The following MAP3K9 variants were observed in gnomAD, a reference collection of about 807,000 sequenced individuals.
MAP3K9 encodes the protein mitogen-activated protein kinase kinase kinase 9, also known as mixed lineage kinase 1 (tyr and ser/thr specificity).
A neutral mutation model predicts 95.8 loss-of-function variants in MAP3K9; 46 were observed. The observed-to-expected ratio is 0.48, with a 90% CI of 0.38 to 0.61. The LOEUF is 0.61. Ranked by LOEUF, MAP3K9 falls within the 20% of genes least tolerant of loss-of-function variation. The pLI is 0.00. For missense variants in MAP3K9, 1,296 were observed against 1,474.3 expected, an observed-to-expected ratio of 0.88 and a Z score of 1.98; for synonymous variants, 533 against 593.8, an observed-to-expected ratio of 0.90 and a Z score of 1.49.
intron 5 of MAP3K9, among the ~76,000 whole-genome samples, chr14:70,746,363 C>A (rs1332289163): frequency 6.6e-6 from 1 of 152,212 alleles, no homozygotes; most frequent in Non-Finnish European, 1.5e-5. Context: ...ACCTGGAGGA[C>A]CCTTAGACAT....
chr14:70,733,172 G>A lies in MAP3K9; in HGVS notation c.2197C>T (p.Leu733=), dbSNP rs562535992. 1.2e-6 allele frequency: 2 copies of A among 1,611,266 alleles called. No individual in the cohort carries two copies. The highest frequency in any genetic ancestry group is 1.7e-5 in the Admixed American group (1 of 59,892). ...PVNSATSTPQ[L]TPTNSLKRGG... ...CGCTTGAGGCTGTTGGTTGGCGTCA[G>A]CTGAGGGGTACTCGTGGCCGAGTTG... The change falls in exon 11 of 12, where the codon CTG becomes TTG. Residue 733 remains leucine, a synonymous_variant. Coordinates refer to ENST00000554752, the MANE Select transcript of MAP3K9 (RefSeq NM_001284230.2).
At chr14:70,760,796 C>T (rs1175187796) in intron 3 of MAP3K9, among the ~76,000 whole-genome samples, 4 of 152,128 alleles carry the variant, frequency 2.6e-5, no homozygotes, top group Non-Finnish European at 5.9e-5. Context: ...CTGCGTATAG[C>T]ACTTCAGGGA....
chr14:70,772,555 A>T (rs1294138113), intron 2 of MAP3K9, among the ~76,000 whole-genome samples: 1 of 152,202 alleles, frequency 6.6e-6, no homozygotes, highest in East Asian at 1.9e-4. Context: ...TGTCTGCTTA[A>T]ATCAGTTTAG....
At chr14:70,762,708 T>C (rs947099905) in intron 2 of MAP3K9, among the ~76,000 whole-genome samples, 1 of 152,238 alleles carries the variant, frequency 6.6e-6, no homozygotes, top group Non-Finnish European at 1.5e-5. Flanking sequence ...TCTTCTCCCT[T>C]ACTTGATACT....
chr14:70,755,243 C>A (rs1466557695), intron 3 of MAP3K9, among the ~76,000 whole-genome samples: 1 of 152,198 alleles, frequency 6.6e-6, no homozygotes, highest in Non-Finnish European at 1.5e-5. Context: ...CAGCTTTGTA[C>A]CAAGTTCCTA....
intron 4 of MAP3K9, 99 bp from the exon 5 acceptor site, chr14:70,749,103 C>A (rs2139752098): frequency 8.5e-7 from 1 of 1,178,714 alleles, no homozygotes; most frequent in South Asian, 1.6e-5. Flanking sequence ...AAAACTACCT[C>A]TTACTTCTTC....
chr14:70,791,677 T>C (rs1477795259), intron 2 of MAP3K9, among the ~76,000 whole-genome samples: 2 of 152,218 alleles, frequency 1.3e-5, no homozygotes, highest in East Asian at 3.8e-4. Flanking sequence ...CTCTCTCAGA[T>C]CACGTCGGAA....
intron 3 of MAP3K9, among the ~76,000 whole-genome samples, chr14:70,754,072 CACTG>C (rs1366873193): frequency 6.6e-6 from 1 of 152,206 alleles, no homozygotes. Flanking sequence ...CCAGGAACCA[CACTG>C]ACTGTTTAAT....
chr14:70,800,261 T>C (rs539790126), intron 2 of MAP3K9, among the ~76,000 whole-genome samples: 5 of 152,260 alleles, frequency 3.3e-5, no homozygotes, highest in African/African-American at 1.2e-4. Context: ...AGTTGAGGTG[T>C]TTAGGTAAAC....
At chr14:70,747,178 G>A (rs2054158870) in intron 5 of MAP3K9, among the ~76,000 whole-genome samples, 2 of 152,132 alleles carry the variant, frequency 1.3e-5, no homozygotes, top group Non-Finnish European at 2.9e-5. Flanking sequence ...GATATGGTTT[G>A]ACTGTATCTT....
chr14:70,792,126 A>C (rs997605027), intron 2 of MAP3K9, among the ~76,000 whole-genome samples: 3 of 152,348 alleles, frequency 2.0e-5, no homozygotes, highest in Admixed American at 2.0e-4. Context: ...CTTGCAGAAC[A>C]TATCTCTGTA....
chr14:70,770,827 CT>C (rs2054521823), intron 2 of MAP3K9, among the ~76,000 whole-genome samples: 1 of 152,150 alleles, frequency 6.6e-6, no homozygotes, highest in African/African-American at 2.4e-5. Context: ...TCCCTGTGTC[CT>C]GTACCCCACT....
chr14:70,730,975 G>C, intron 11 of MAP3K9, 111 bp from the exon 12 acceptor site: 1 of 1,214,686 alleles, frequency 8.2e-7, no homozygotes, highest in Non-Finnish European at 1.1e-6. Flanking sequence ...AGGAGAACAT[G>C]AATCACCAAA....
In MAP3K9 at chr14:70,733,702, C is replaced by T. The variant is rs1594764006; in HGVS notation, c.2027-360G>A. ...ACAGTTGCTGGGTGTGTCTGTGAGG[C>T]TGTTTCCAGGGGAGACTAAGATGGG... is the stretch of plus-strand genomic sequence containing the variant. On this transcript the variant is annotated intron_variant, in intron 10 of 11. Coordinates refer to ENST00000554752, the MANE Select transcript of MAP3K9 (RefSeq NM_001284230.2). The T allele has an allele frequency of 1.1e-5, 8 of 717,730 alleles. No individual in the cohort carries two copies. The East Asian group carries it at 2.1e-4, about 19-fold the overall frequency. 44.5% of individuals were successfully genotyped at this position (717,730 alleles called of 1,614,324 possible). A position where few individuals can be genotyped will look rare whatever the true frequency, so the allele number is the denominator to read the frequency against.
At chr14:70,782,055 C>T (rs2054684619) in intron 2 of MAP3K9, among the ~76,000 whole-genome samples, 1 of 152,174 alleles carries the variant, frequency 6.6e-6, no homozygotes, top group Admixed American at 6.5e-5. Flanking sequence ...ACTCTTGAAT[C>T]CTACCCCTTC....
intron 2 of MAP3K9, among the ~76,000 whole-genome samples, chr14:70,780,456 G>C (rs1280070077): frequency 6.6e-6 from 1 of 152,142 alleles, no homozygotes; most frequent in Admixed American, 6.5e-5. Context: ...CTGAGTGAAA[G>C]GTTCTCATGA....
chr14:70,742,901 TTATATATATTTATA>T (rs932545867), intron 5 of MAP3K9, among the ~76,000 whole-genome samples: 20 of 36,536 alleles, frequency 5.5e-4, no homozygotes, highest in African/African-American at 2.2e-3. Flanking sequence ...TGCCTGTGAT[TTATATATATTTATA>T]TATATATATA....
At chr14:70,739,801 C>T in intron 7 of MAP3K9, 2 of 1,289,390 alleles carry the variant, frequency 1.6e-6, no homozygotes, top group Admixed American at 2.4e-5. Flanking sequence ...CCCATTAGTA[C>T]CCACAAATCC....
chr14:70,763,428 A>G (rs1183117882), intron 2 of MAP3K9, among the ~76,000 whole-genome samples: 1 of 152,120 alleles, frequency 6.6e-6, no homozygotes, highest in African/African-American at 2.4e-5. Flanking sequence ...CTGTAAACAA[A>G]CCTACTGTGC....
Sources: allele counts gnomAD v4.1 joint callset (sites outside exome capture counted in the v4.1 genomes callset), GRCh38; gene constraint gnomAD v4.1.1; transcripts MANE v1.5; gene names NCBI Gene and HGNC (gene_info 2026-07-23, HGNC 2026-07-21).